The following TMEM178B variants were observed in gnomAD, a reference collection of about 807,000 sequenced individuals.
The protein encoded by TMEM178B is transmembrane protein 178B.
In TMEM178B, 5 loss-of-function variants were observed where a neutral mutation model predicts 31.0. The observed-to-expected ratio is 0.16, with a 90% CI of 0.08 to 0.34. TMEM178B has a LOEUF of 0.34. TMEM178B is among the 10% of genes least tolerant of loss of function. The pLI, the probability that TMEM178B is intolerant of heterozygous loss-of-function variation, is 1.00. For synonymous variants in TMEM178B, 164 were observed against 164.0 expected, an observed-to-expected ratio of 1.00 and a Z score of 0.00; for missense variants, 275 against 400.3, an observed-to-expected ratio of 0.69 and a Z score of 2.67.
chr7:141,084,005 A>G (rs1383151524), intron 1 of TMEM178B, among the ~76,000 whole-genome samples: 1 of 151,952 alleles, frequency 6.6e-6, no homozygotes, highest in African/African-American at 2.4e-5. Context: ...GGGCTTTGCC[A>G]TTTTGGCCAG....
the TMEM178B span, among the ~76,000 whole-genome samples, chr7:141,494,899 G>A: frequency 6.6e-6 from 1 of 152,174 alleles, no homozygotes; most frequent in African/African-American, 2.4e-5. Flanking sequence ...AATATAGGAG[G>A]TGAGGAATTG....
At chr7:141,183,155 G>A (rs2129184117) in intron 1 of TMEM178B, among the ~76,000 whole-genome samples, 1 of 152,278 alleles carries the variant, frequency 6.6e-6, no homozygotes, top group East Asian at 1.9e-4. Flanking sequence ...AACACCTTGT[G>A]AGTCAGAGGA....
intron 2 of TMEM178B, among the ~76,000 whole-genome samples, chr7:141,306,839 A>G (rs1798823920): frequency 6.6e-6 from 1 of 152,042 alleles, no homozygotes; most frequent in African/African-American, 2.4e-5. Context: ...ATAAACTCCC[A>G]TCTCTTCTAG....
intron 2 of TMEM178B, among the ~76,000 whole-genome samples, chr7:141,280,103 A>G (rs1479111220): frequency 6.6e-6 from 1 of 152,242 alleles, no homozygotes; most frequent in Non-Finnish European, 1.5e-5. Context: ...TTCTGAACAA[A>G]TAAGAAATGT....
At chr7:141,480,553 CAT>C (rs1489561266), downstream of TMEM178B, among the ~76,000 whole-genome samples, 3 of 152,216 alleles carry the variant, frequency 2.0e-5, no homozygotes, top group African/African-American at 7.2e-5. Flanking sequence ...ACATTTCAAT[CAT>C]GTGAAGGCCA....
chr7:141,143,067 G>T (rs185772750), intron 1 of TMEM178B, among the ~76,000 whole-genome samples: 71 of 152,102 alleles, frequency 4.7e-4, no homozygotes, highest in Non-Finnish European at 9.7e-4. Flanking sequence ...TTTTAAAATG[G>T]GATTATTTGT....
intron 1 of TMEM178B, among the ~76,000 whole-genome samples, chr7:141,169,615 G>A (rs901355699): frequency 6.6e-6 from 1 of 152,196 alleles, no homozygotes; most frequent in South Asian, 2.1e-4. Context: ...TCATCCACAT[G>A]CTTGCTTGTA....
chr7:141,439,122 A>G (rs998651233), intron 3 of TMEM178B, among the ~76,000 whole-genome samples: 1 of 151,746 alleles, frequency 6.6e-6, no homozygotes, highest in African/African-American at 2.4e-5. Context: ...AGGTGTATGG[A>G]GTGATCTTGG....
chr7:141,094,378 T>C (rs919522829), intron 1 of TMEM178B, among the ~76,000 whole-genome samples: 5 of 152,220 alleles, frequency 3.3e-5, no homozygotes, highest in Non-Finnish European at 7.3e-5. Flanking sequence ...ATCTTTTTAT[T>C]ATTGAGTAAT....
intron 1 of TMEM178B, among the ~76,000 whole-genome samples, chr7:141,097,237 C>T (rs545489708): frequency 2.6e-5 from 4 of 151,538 alleles, no homozygotes; most frequent in African/African-American, 4.8e-5. Flanking sequence ...AACATTGTGG[C>T]GGGCGCCTGT....
At chr7:141,304,324 C>T (rs1407712373) in intron 2 of TMEM178B, among the ~76,000 whole-genome samples, 2 of 152,232 alleles carry the variant, frequency 1.3e-5, no homozygotes, top group East Asian at 3.9e-4. Context: ...AGAGTGGTCA[C>T]AGGATGGCAG....
intron 1 of TMEM178B, among the ~76,000 whole-genome samples, chr7:141,189,257 G>T (rs1410928406): frequency 1.3e-5 from 2 of 152,264 alleles, no homozygotes; most frequent in African/African-American, 2.4e-5. Context: ...TAATGGATTG[G>T]CCACGTGAAG....
Position 141,470,871 on chromosome 7 carries a change from G to A in TMEM178B, c.*85G>A, listed in dbSNP as rs1049906437. The A allele has an allele frequency of 2.1e-5, 17 of 825,394 alleles. No individual in the cohort carries two copies. The highest frequency in any genetic ancestry group is 2.6e-5 in the Non-Finnish European group (17 of 665,594). 51.1% of individuals were successfully genotyped at this position (825,394 alleles called of 1,614,324 possible). A position where few individuals can be genotyped will look rare whatever the true frequency, so the allele number is the denominator to read the frequency against. The stretch of plus-strand genomic sequence containing the variant: ...AAACAAAACAAAACTAAATCAAGAC[G>A]ATGCCAGTGCCAAGGTAGAGTTGAG... On this transcript the variant is annotated 3_prime_UTR_variant, in exon 4 of 4. Coordinates refer to ENST00000565468, the MANE Select transcript of TMEM178B (RefSeq NM_001195278.2).
At chr7:141,086,166 G>A (rs1794784506) in intron 1 of TMEM178B, among the ~76,000 whole-genome samples, 1 of 151,558 alleles carries the variant, frequency 6.6e-6, no homozygotes, top group Non-Finnish European at 1.5e-5. Context: ...CTGCTGAGTA[G>A]CTGGGACTAC....
At chr7:141,274,175 C>A (rs534373704) in intron 2 of TMEM178B, among the ~76,000 whole-genome samples, 11 of 152,330 alleles carry the variant, frequency 7.2e-5, no homozygotes, top group Admixed American at 1.3e-4. Context: ...TTCTTCCTTG[C>A]ACTTGTTACC....
At chr7:141,112,541 A>T (rs1364593928) in intron 1 of TMEM178B, among the ~76,000 whole-genome samples, 1 of 152,262 alleles carries the variant, frequency 6.6e-6, no homozygotes, top group African/African-American at 2.4e-5. Context: ...GGCATGAGCC[A>T]CCACGCCTAA....
At chr7:141,490,387 C>A in the TMEM178B span, among the ~76,000 whole-genome samples, 1 of 152,272 alleles carries the variant, frequency 6.6e-6, no homozygotes, top group Admixed American at 6.5e-5. Context: ...GACACAGAGA[C>A]GTGCACATAG....
At chr7:141,485,731 C>A in the TMEM178B span, among the ~76,000 whole-genome samples, 222 of 152,278 alleles carry the variant, frequency 1.5e-3, 2 homozygotes, top group African/African-American at 5.2e-3. Context: ...GTGGGGAAGG[C>A]CTTTCTCCAT....
chr7:141,259,645 G>A (rs1221110166), intron 2 of TMEM178B, among the ~76,000 whole-genome samples: 4 of 152,110 alleles, frequency 2.6e-5, no homozygotes, highest in East Asian at 1.9e-4. Context: ...CTGTCTCCCC[G>A]ACAATACGTA....
Sources: allele counts gnomAD v4.1 joint callset (sites outside exome capture counted in the v4.1 genomes callset), GRCh38; gene constraint gnomAD v4.1.1; transcripts MANE v1.5; gene names NCBI Gene and HGNC (gene_info 2026-07-23, HGNC 2026-07-21).